GRIK1: variants seen among roughly 807,000 people sequenced by gnomAD.
The protein encoded by GRIK1 is glutamate ionotropic receptor kainate type subunit 1.
In GRIK1, 69 loss-of-function variants were observed where a neutral mutation model predicts 105.7. The observed-to-expected ratio is 0.65, with a 90% CI of 0.54 to 0.80. GRIK1 has a LOEUF of 0.80. GRIK1 is among the 30% of genes least tolerant of loss of function. GRIK1 has a pLI of 0.00. For synonymous variants in GRIK1, 438 were observed against 431.3 expected, an observed-to-expected ratio of 1.02 and a Z score of -0.19; for missense variants, 1,109 against 1,167.3, an observed-to-expected ratio of 0.95 and a Z score of 0.73.
chr21:29,815,045 C>A (rs2067118257), intron 1 of GRIK1, among the ~76,000 whole-genome samples: 1 of 152,110 alleles, frequency 6.6e-6, no homozygotes. Flanking sequence ...GAAATAATGC[C>A]TTGTTCCCAA....
rs464144 is a variant in GRIK1, at chr21:29,838,681, C to A, written c.118+100702G>T. On this transcript the variant is annotated intron_variant, in intron 1 of 17. Transcript: ENST00000327783. Reference sequence around the variant, plus strand: ...CACTATCTAGTTTTCAGCAAAATAACGTGGATTTTACAAGCCAAAGCTCTG... The same window carrying A: ...CACTATCTAGTTTTCAGCAAAATAAAGTGGATTTTACAAGCCAAAGCTCTG... Among the ~76,000 whole-genome samples the A allele has an allele frequency of 8.1e-3, 1,230 of 152,082 alleles. 19 individuals are homozygous for A. The highest frequency in any genetic ancestry group is 0.028 in the African/African-American group (1,182 of 41,502).
At chr21:29,873,986 A>G (rs1338283623) in intron 1 of GRIK1, among the ~76,000 whole-genome samples, 1 of 152,178 alleles carries the variant, frequency 6.6e-6, no homozygotes, top group Non-Finnish European at 1.5e-5. Flanking sequence ...CACATGTCCA[A>G]TTCACAATAG....
chr21:29,707,938 C>T (rs1187101940), intron 1 of GRIK1, among the ~76,000 whole-genome samples: 1 of 152,178 alleles, frequency 6.6e-6, no homozygotes, highest in Middle Eastern at 3.2e-3. Flanking sequence ...CAGTTCTTCA[C>T]TGTTATACAT....
chr21:29,797,580 C>T (rs533315064), intron 1 of GRIK1, among the ~76,000 whole-genome samples: 6 of 152,220 alleles, frequency 3.9e-5, no homozygotes, highest in East Asian at 1.9e-4. Context: ...CACACAGCCT[C>T]GTAATTTATT....
intron 15 of GRIK1, among the ~76,000 whole-genome samples, chr21:29,556,189 G>A (rs1021979757): frequency 2.0e-5 from 3 of 152,284 alleles, no homozygotes; most frequent in East Asian, 1.9e-4. Flanking sequence ...AGGATTGTAT[G>A]TTACATGCAT....
intron 12 of GRIK1, among the ~76,000 whole-genome samples, chr21:29,583,292 G>C (rs1358285368): frequency 6.6e-6 from 1 of 152,130 alleles, no homozygotes; most frequent in African/African-American, 2.4e-5. Flanking sequence ...AGTTTGCTGA[G>C]CTGAAGAAAT....
chr21:29,873,330 A>G (rs1375619982), intron 1 of GRIK1, among the ~76,000 whole-genome samples: 1 of 152,206 alleles, frequency 6.6e-6, no homozygotes, highest in Non-Finnish European at 1.5e-5. Context: ...CTGGAACCCC[A>G]CATAAAAGTA....
rs547838831 is a variant in GRIK1 at position 29,671,306 on chromosome 21, G to T, written c.726+1677C>A. 2.0e-5 allele frequency among the ~76,000 whole-genome samples: 3 copies of T among 151,884 alleles called. No individual in the cohort carries two copies. In the South Asian group the frequency reaches 6.3e-4, roughly 32 times the overall value. On this transcript the variant is annotated intron_variant, in intron 4 of 17. Transcript: ENST00000327783. ...CCTGGCTAATTTTTTTGTATTTTTA[G>T]TAGAGACAGGGTTTCACCATGTTGG...
intron 1 of GRIK1, among the ~76,000 whole-genome samples, chr21:29,900,459 C>CAAAAAAAAAAAAAAAAAA (rs746842761): frequency 5.1e-5 from 4 of 78,312 alleles, no homozygotes; most frequent in African/African-American, 1.5e-4. Context: ...AAATGGAAAG[C>CAAAAAAAAAAAAAAAAAA]AAGAAAAAAA....
intron 1 of GRIK1, among the ~76,000 whole-genome samples, chr21:29,907,599 A>G (rs921795831): frequency 1.3e-5 from 2 of 152,148 alleles, no homozygotes; most frequent in African/African-American, 4.8e-5. Flanking sequence ...AGAAGTTATC[A>G]CGAATTTCTA....
intron 7 of GRIK1, among the ~76,000 whole-genome samples, chr21:29,616,791 G>T (rs1188320620): frequency 6.6e-6 from 1 of 152,182 alleles, no homozygotes; most frequent in African/African-American, 2.4e-5. Context: ...AAAAAAAACT[G>T]CTTGATGCCA....
intron 1 of GRIK1, among the ~76,000 whole-genome samples, chr21:29,784,878 C>T (rs2066217510): frequency 6.6e-6 from 1 of 152,122 alleles, no homozygotes; most frequent in South Asian, 2.1e-4. Flanking sequence ...CAGGGAGTTG[C>T]CCAAGCTGTC....
chr21:29,903,437 A>G (rs2070486461), intron 1 of GRIK1, among the ~76,000 whole-genome samples: 1 of 152,212 alleles, frequency 6.6e-6, no homozygotes, highest in Non-Finnish European at 1.5e-5. Context: ...AATTTACAAG[A>G]AAAAAAGCAA....
chr21:29,768,211 C>T (rs1237086898), intron 1 of GRIK1, among the ~76,000 whole-genome samples: 1 of 152,104 alleles, frequency 6.6e-6, no homozygotes, highest in African/African-American at 2.4e-5. Flanking sequence ...GACTTGGGTG[C>T]TAATTCTGGG....
chr21:29,763,113 T>C (rs1837390064), intron 1 of GRIK1, among the ~76,000 whole-genome samples: 2 of 152,108 alleles, frequency 1.3e-5, no homozygotes, highest in Admixed American at 1.3e-4. Flanking sequence ...GTAATCTCCA[T>C]GTGTTGAGGG....
chr21:29,660,969 C>T (rs1399407526), intron 4 of GRIK1, among the ~76,000 whole-genome samples: 1 of 152,200 alleles, frequency 6.6e-6, no homozygotes, highest in Admixed American at 6.5e-5. Flanking sequence ...AAAGTTTGAG[C>T]TTCAGTGTGT....
intron 7 of GRIK1, among the ~76,000 whole-genome samples, chr21:29,626,797 T>C (rs2062142320): frequency 6.6e-6 from 1 of 152,230 alleles, no homozygotes; most frequent in African/African-American, 2.4e-5. Flanking sequence ...ACTAAATGAA[T>C]CACCCAGCAT....
intron 3 of GRIK1, among the ~76,000 whole-genome samples, chr21:29,675,796 T>A (rs2146656333): frequency 6.6e-6 from 1 of 152,270 alleles, no homozygotes; most frequent in Non-Finnish European, 1.5e-5. Flanking sequence ...TGCTCAAGGT[T>A]ATATAGCTAA....
At chr21:29,720,692 A>G (rs1248529169) in intron 1 of GRIK1, among the ~76,000 whole-genome samples, 4 of 152,066 alleles carry the variant, frequency 2.6e-5, no homozygotes, top group African/African-American at 9.7e-5. Flanking sequence ...CTCAGCTTCG[A>G]TCACCTCCAT....
Sources: allele counts gnomAD v4.1 joint callset (sites outside exome capture counted in the v4.1 genomes callset), GRCh38; gene constraint gnomAD v4.1.1; transcripts MANE v1.5; gene names NCBI Gene and HGNC (gene_info 2026-07-23, HGNC 2026-07-21).